Variants in FLT4 observed in about 807,000 individuals in gnomAD.
FLT4 encodes the protein fms related receptor tyrosine kinase 4.
A neutral mutation model predicts 163.2 loss-of-function variants in FLT4; 30 were observed. The observed-to-expected ratio is 0.18, with a 90% confidence interval of 0.14 to 0.25. The LOEUF is 0.25. Ranked by LOEUF, FLT4 falls within the 10% of genes least tolerant of loss-of-function variation. FLT4 has a pLI of 1.00. For missense variants in FLT4, 1,510 were observed against 1,863.8 expected, an observed-to-expected ratio of 0.81 and a Z score of 3.50; for synonymous variants, 884 against 789.5, an observed-to-expected ratio of 1.12 and a Z score of -2.01.
Position 180,601,926 on chromosome 5 carries a change from G to A in FLT4, c.*1266C>T, listed in dbSNP as rs981219038. 1.5e-4 allele frequency: 36 copies of A among 233,550 alleles called. No individual in the cohort carries two copies. The highest frequency in any genetic ancestry group is 2.9e-4 in the Non-Finnish European group (34 of 118,282). 14.5% of individuals were successfully genotyped at this position (233,550 alleles called of 1,614,324 possible). On this transcript the variant is annotated 3_prime_UTR_variant, in exon 30 of 30. Transcript: ENST00000261937. Reference sequence around the variant, plus strand: ...TGCGTGGGTTTGGGGGGTCAGGGTGGTGGTCAGTCTCCGTGGTCCTAACGT... The same window carrying A: ...TGCGTGGGTTTGGGGGGTCAGGGTGATGGTCAGTCTCCGTGGTCCTAACGT...
At chr5:180,612,316 C>G (rs1055639984) in intron 26 of FLT4, 190 bp downstream of exon 26, 9 of 611,906 alleles carry the variant, frequency 1.5e-5, no homozygotes, top group African/African-American at 3.7e-5. Context: ...AGCTGTGCAG[C>G]GGGTGTGTAC....
At chr5:180,644,247 A>C (rs1257193149) in intron 1 of FLT4, among the ~76,000 whole-genome samples, 1 of 152,240 alleles carries the variant, frequency 6.6e-6, no homozygotes, top group Non-Finnish European at 1.5e-5. Context: ...AAGAAGCCAT[A>C]GTATGTGTGG....
chr5:180,604,589 G>A (rs936458139), intron 29 of FLT4, among the ~76,000 whole-genome samples: 3 of 152,084 alleles, frequency 2.0e-5, no homozygotes, highest in African/African-American at 7.2e-5. Flanking sequence ...GCAAATCCAG[G>A]CCTCTCGCCT....
chr5:180,613,783 G>A, intron 24 of FLT4: 1 of 495,876 alleles, frequency 2.0e-6, no homozygotes, highest in Non-Finnish European at 3.7e-6. Context: ...TGCTGACTGG[G>A]CACTGAGCTC....
rs1199654192 is a variant in FLT4 at position 180,620,472 on chromosome 5, C to CG, written c.2406+136dup. 23 of 1,200,748 alleles carry CG rather than the reference C, an allele frequency of 1.9e-5. No individual in the cohort carries two copies. The highest frequency in any genetic ancestry group is 2.8e-5 in the Non-Finnish European group (23 of 818,354). 74.4% of individuals were successfully genotyped at this position (1,200,748 alleles called of 1,614,324 possible). Reference sequence around the variant, plus strand: ...CAACCTCTGCGGGGTTGGAGCCCAGCGTGAAGGGCAGGGAGGCTTCCCAGG... The same window carrying CG: ...CAACCTCTGCGGGGTTGGAGCCCAGCGGTGAAGGGCAGGGAGGCTTCCCAGG... On this transcript the variant is annotated intron_variant, in intron 16 of 29. Coordinates refer to ENST00000261937, the MANE Select transcript of FLT4 (RefSeq NM_182925.5). The surrounding 1 kb of genome is among the most constrained non-coding windows in gnomAD (Gnocchi z 4.4).
chr5:180,632,578 A>C (rs1581685937), intron 1 of FLT4, among the ~76,000 whole-genome samples: 1 of 151,048 alleles, frequency 6.6e-6, no homozygotes, highest in Admixed American at 6.6e-5. Context: ...TGCTGCCCCC[A>C]CACCCTCCTC....
intron 25 of FLT4, 55 bp from the exon 26 acceptor site, chr5:180,612,666 C>T (rs1346597340): frequency 7.5e-7 from 1 of 1,333,328 alleles, no homozygotes; most frequent in African/African-American, 1.4e-5. Context: ...GTCCCAGGAC[C>T]TTCAGTGCCC....
Position 180,611,339 on chromosome 5 carries a change from C to T in FLT4, c.3678G>A (p.Leu1226=), listed in dbSNP as rs112499505. The T allele has an allele frequency of 6.2e-7, 1 of 1,613,854 alleles. No individual in the cohort carries two copies. Among genetic ancestry groups the T allele is most frequent in the South Asian group, 1.1e-5 (1 of 91,080 alleles). The change falls in exon 27 of 30, where the codon CTG becomes CTA. Residue 1226 remains leucine (L), a synonymous_variant. Transcript: ENST00000261937. Reference sequence around the variant, plus strand: ...CCTGCAGGACAGCTGACCTGGCGGCCAGGCTGTGGCGCTGCAGGCTTGGCG... The same window carrying T: ...CCTGCAGGACAGCTGACCTGGCGGCTAGGCTGTGGCGCTGCAGGCTTGGCG... ...DSPPSLQRHS[L]AARYYNWVSF...
At chr5:180,631,845 CTGGG>C in intron 1 of FLT4, 67 bp from the exon 2 acceptor site, 1 of 1,117,322 alleles carries the variant, frequency 8.9e-7, no homozygotes, top group Non-Finnish European at 1.3e-6. Context: ...TGGGGCATGG[CTGGG>C]CATTCTGCAT....
At chr5:180,639,131 A>G (rs1269128323) in intron 1 of FLT4, among the ~76,000 whole-genome samples, 1 of 149,380 alleles carries the variant, frequency 6.7e-6, no homozygotes, top group Non-Finnish European at 1.5e-5. Context: ...GGATGGATGC[A>G]TGGGTGGGTG....
chr5:180,620,589 G>A lies in FLT4; in HGVS notation c.2406+20C>T. On this transcript the variant is annotated intron_variant, in intron 16 of 29. Coordinates refer to ENST00000261937, the MANE Select transcript of FLT4 (RefSeq NM_182925.5). This position sits in a 1 kb window ranked among gnomAD's most constrained non-coding sequence, Gnocchi z 4.4. ...GAAGGCCTGAGAGAGACTCCATCAG[G>A]AGCGGGGAGGGACACTCACCCTCCT... is the stretch of plus-strand genomic sequence containing the variant. 1 of 1,555,130 alleles carries A rather than the reference G, an allele frequency of 6.4e-7. No individual in the cohort carries two copies. The highest frequency in any genetic ancestry group is 8.9e-7 in the Non-Finnish European group (1 of 1,127,410).
At position 180,649,498 on chromosome 5, in the gene FLT4, T is replaced by G; in HGVS notation, c.48A>C (p.Gly16=). Residue 16 remains glycine (G), a synonymous_variant, in exon 1 of 30, where the codon GGA becomes GGC. Coordinates refer to ENST00000261937, the MANE Select transcript of FLT4 (RefSeq NM_182925.5). ...GTTCGCCGCGCTCACCGTCCAGGAG[T>G]CCCAGGCAGAGCCACAGTCGCAGGC... The part of the protein sequence containing the change: ...ALCLRLWLCL[G]LLDGLVSGYS... 1 of 1,459,278 alleles carries G rather than the reference T, an allele frequency of 6.9e-7. No homozygotes were observed. Among genetic ancestry groups the G allele is most frequent in the Non-Finnish European group, 9.0e-7 (1 of 1,108,502 alleles). 90.4% of individuals were successfully genotyped at this position (1,459,278 alleles called of 1,614,324 possible).
chr5:180,614,516 A>G (rs1340559958), intron 23 of FLT4, among the ~76,000 whole-genome samples: 1 of 151,542 alleles, frequency 6.6e-6, no homozygotes, highest in African/African-American at 2.4e-5. Flanking sequence ...GATGAAACGC[A>G]CCCCTGCACA....
chr5:180,608,443 G>A (rs550165869), intron 29 of FLT4, among the ~76,000 whole-genome samples: 3 of 152,266 alleles, frequency 2.0e-5, no homozygotes, highest in Non-Finnish European at 2.9e-5. Flanking sequence ...CGTCTTGATG[G>A]TAGGGGTCCC....
intron 27 of FLT4, among the ~76,000 whole-genome samples, chr5:180,610,476 C>T (rs1012585439): frequency 3.9e-5 from 6 of 152,216 alleles, no homozygotes; most frequent in African/African-American, 9.6e-5. Flanking sequence ...CTAGCCCTGC[C>T]GTATGCTAGG....
intron 27 of FLT4, among the ~76,000 whole-genome samples, chr5:180,610,452 G>A (rs1035451120): frequency 3.9e-5 from 6 of 152,254 alleles, no homozygotes; most frequent in Non-Finnish European, 7.3e-5. Context: ...GCTAACTGTT[G>A]TTGTCCCCCA....
Position 180,618,850 on chromosome 5 carries a change from G to C in FLT4, c.2921C>G (p.Pro974Arg). The stretch of plus-strand genomic sequence containing the variant: ...GAAGAGGACCCTGTCGCTGCTCCCC[G>C]GCCGCCTCCGATCCAGCCTGGCGAG... ...VELARLDRRRPGSSDRVLFAR... is the reference protein window; with the variant it reads ...VELARLDRRRRGSSDRVLFAR... The change falls in exon 21 of 30, where the codon CCG becomes CGG. Residue 974 changes from proline (P) to arginine (R), a missense_variant. Physicochemically the swap from Pro to Arg is moderately radical, Grantham distance 103. Around this residue, in one of 5 missense-constraint regions of FLT4, gnomAD observed 878 missense variants for 1,016.7 expected, o/e 0.86. Coordinates refer to ENST00000261937, the MANE Select transcript of FLT4 (RefSeq NM_182925.5). 6.3e-7 allele frequency: 1 copy of C among 1,580,206 alleles called. No homozygotes were observed. Among genetic ancestry groups the C allele is most frequent in the Non-Finnish European group, 8.6e-7 (1 of 1,163,764 alleles).
chr5:180,638,234 T>A (rs1158146042), intron 1 of FLT4, among the ~76,000 whole-genome samples: 1 of 152,204 alleles, frequency 6.6e-6, no homozygotes, highest in Non-Finnish European at 1.5e-5. Flanking sequence ...CCACTGGACT[T>A]GGGACACCCC....
rs539008706 is a variant in FLT4, at chr5:180,623,919, C to T, written c.1548+16G>A. On this transcript the variant is annotated intron_variant, in intron 11 of 29. Transcript: ENST00000261937. The surrounding 1 kb of genome is among the most constrained non-coding windows in gnomAD (Gnocchi z 5.8). Reference sequence around the variant, plus strand: ...CTCCTTCTCCCTGGGCACTCAGCAGCGCGGCTGGCCTGTACCTTATTCTTT... The same window carrying T: ...CTCCTTCTCCCTGGGCACTCAGCAGTGCGGCTGGCCTGTACCTTATTCTTT... 1.1e-5 allele frequency: 18 copies of T among 1,613,330 alleles called. No homozygotes were observed. The highest frequency in any genetic ancestry group is 3.3e-5 in the South Asian group (3 of 91,064).
Sources: gnomAD v4.1 joint callset for allele counts (sites outside exome capture counted in the v4.1 genomes callset) on GRCh38, gnomAD v4.1.1 for gene constraint, gnomAD v4.1.1 regional missense constraint, Gnocchi (gnomAD v3.1) non-coding constraint, MANE v1.5 for transcripts, NCBI Gene and HGNC (gene_info 2026-07-23, HGNC 2026-07-21) for gene names.